Variants in TYRO3 observed in about 807,000 individuals in gnomAD.
TYRO3 encodes the protein tyrosine-protein kinase receptor TYRO3.
In TYRO3, 38 loss-of-function variants were observed where a neutral mutation model predicts 95.2. The ratio of observed to expected loss-of-function variants is 0.40; its 90% CI spans 0.31 to 0.52. TYRO3 has a LOEUF of 0.52. Ranked by LOEUF, TYRO3 falls within the 20% of genes least tolerant of loss-of-function variation. TYRO3 has a pLI of 0.56. For synonymous variants in TYRO3, 367 were observed against 432.9 expected, an observed-to-expected ratio of 0.85 and a Z score of 1.89; for missense variants, 812 against 1,116.4, an observed-to-expected ratio of 0.73 and a Z score of 3.89.
chr15:41,571,212 TC>T (rs1595503893), intron 13 of TYRO3, 94 bp downstream of exon 13: 5 of 1,249,546 alleles, frequency 4.0e-6, no homozygotes, highest in Middle Eastern at 2.0e-4. Flanking sequence ...CCCTAGATTT[TC>T]CAAGAAGAGC....
intron 8 of TYRO3, 105 bp downstream of exon 8, chr15:41,568,467 T>TCC (rs1318863674): frequency 3.4e-6 from 4 of 1,190,474 alleles, no homozygotes; most frequent in Non-Finnish European, 4.7e-6. Context: ...GGCCTGGGTC[T>TCC]CCCGCAGCCC....
chr15:41,577,991 A>G lies in TYRO3; in HGVS notation c.2388A>G (p.Leu796=), dbSNP rs375792223. ...ACATCTTGGGCCAGCTGTCTGTGCTATCTGCCAGCCAGGACCCCTTATACA... is the reference window on the plus strand; with the variant it reads ...ACATCTTGGGCCAGCTGTCTGTGCTGTCTGCCAGCCAGGACCCCTTATACA... The part of the protein sequence containing the change: ...LENILGQLSV[L]SASQDPLYIN... The change falls in exon 19 of 19, where the codon CTA becomes CTG. Residue 796 remains leucine, a synonymous_variant. Transcript: ENST00000263798. 1.5e-5 allele frequency: 25 copies of G among 1,613,882 alleles called. No homozygotes were observed. In the African/African-American group the frequency reaches 3.2e-4, roughly 21 times the overall value.
intron 15 of TYRO3, 90 bp from the exon 16 acceptor site, chr15:41,572,912 G>A: frequency 1.2e-6 from 1 of 847,308 alleles, no homozygotes; most frequent in Non-Finnish European, 1.8e-6. Flanking sequence ...TCTGGGGACA[G>A]CCTTCAGGCT....
At position 41,580,510 on chromosome 15, in the gene TYRO3, A is replaced by C. The variant is rs1181014537; in HGVS notation, c.*2234A>C. On this transcript the variant is annotated 3_prime_UTR_variant, in exon 19 of 19. Transcript: ENST00000263798. The stretch of plus-strand genomic sequence containing the variant: ...GAGACTCCATCTCAAAAATAAAATA[A>C]AAATAAAAATGCAAAAAATAATAAA... 1.3e-5 allele frequency: 2 copies of C among 152,134 alleles called. No homozygotes were observed. Among genetic ancestry groups the C allele is most frequent in the Non-Finnish European group, 2.9e-5 (2 of 68,034 alleles). 9.4% of individuals were successfully genotyped at this position (152,134 alleles called of 1,614,324 possible).
Position 41,570,293 on chromosome 15 carries a change from C to G in TYRO3, c.1436C>G (p.Ala479Gly). 6.2e-7 allele frequency: 1 copy of G among 1,614,180 alleles called. No individual in the cohort carries two copies. The highest frequency in any genetic ancestry group is 1.1e-5 in the South Asian group (1 of 91,084). ...GGAGAGCCAGCCGTTCACTTCCGGG[C>G]AGCCCGGTCCTTCAATCGAGAAAGG... ...ARGEPAVHFR[A>G]ARSFNRERPE... The change falls in exon 11 of 19, where the codon GCA becomes GGA. Residue 479 changes from alanine (A) to glycine (G), a missense_variant. Transcript: ENST00000263798.
At chr15:41,567,774 A>AC (rs1231338629) in intron 7 of TYRO3, among the ~76,000 whole-genome samples, 3 of 152,098 alleles carry the variant, frequency 2.0e-5, no homozygotes, top group African/African-American at 7.2e-5. Context: ...GGTTAAGGAA[A>AC]CCCCCCCTAA....
At chr15:41,566,320 TAAAAAAAAAA>T (rs57924730) in intron 6 of TYRO3, among the ~76,000 whole-genome samples, 6 of 40,958 alleles carry the variant, frequency 1.5e-4, no homozygotes, top group South Asian at 1.4e-3. Context: ...CTGTCTCTAT[TAAAAAAAAAA>T]AAAAAAAAAA....
chr15:41,567,828 G>A (rs570561291), intron 7 of TYRO3, among the ~76,000 whole-genome samples: 2 of 152,174 alleles, frequency 1.3e-5, no homozygotes, highest in South Asian at 4.1e-4. Context: ...GGATCTGAAC[G>A]ATAAAGAAGA....
intron 18 of TYRO3, among the ~76,000 whole-genome samples, chr15:41,576,342 C>CTAATTTTGTATTTTTAGTAGAG (rs1443996525): frequency 6.6e-6 from 1 of 151,050 alleles, no homozygotes; most frequent in Admixed American, 6.6e-5. Flanking sequence ...TACAGGCATG[C>CTAATTTTGTATTTTTAGTAGAG]ACCACCCTGC....
chr15:41,568,860 G>A lies in TYRO3; in HGVS notation c.1108-18G>A. The A allele has an allele frequency of 6.3e-7, 1 of 1,579,510 alleles. No individual in the cohort carries two copies. The highest frequency in any genetic ancestry group is 8.6e-7 in the Non-Finnish European group (1 of 1,156,368). ...CTCCCCAGGCTCACTATGGGGTGGG[G>A]GCTTTTCCTGGCTGCAGGATGAGCT... On this transcript the variant is annotated intron_variant, in intron 8 of 18. Coordinates refer to ENST00000263798, the MANE Select transcript of TYRO3 (RefSeq NM_006293.4).
Position 41,578,951 on chromosome 15 carries a change from C to A in TYRO3, c.*675C>A. On this transcript the variant is annotated 3_prime_UTR_variant, in exon 19 of 19. Coordinates refer to ENST00000263798, the MANE Select transcript of TYRO3 (RefSeq NM_006293.4). ...GTGCCCCTCTTCCAAAGGCAGCGTG[C>A]CGAGCCAGCAAGAGGAAGGGGTGCT... 1 of 153,456 alleles carries A rather than the reference C, an allele frequency of 6.5e-6. No individual in the cohort carries two copies. Among genetic ancestry groups the A allele is most frequent in the Non-Finnish European group, 1.4e-5 (1 of 68,998 alleles). 9.5% of individuals were successfully genotyped at this position (153,456 alleles called of 1,614,324 possible). A position where few individuals can be genotyped will look rare whatever the true frequency, so the allele number is the denominator to read the frequency against.
In TYRO3 at chr15:41,572,550, G is replaced by A; in HGVS notation, c.1861G>A (p.Gly621Arg). Residue 621 changes from glycine (G) to arginine (R), a missense_variant, in exon 15 of 19, where the codon GGG becomes AGG. Coordinates refer to ENST00000263798, the MANE Select transcript of TYRO3 (RefSeq NM_006293.4). ...LHAFLLASRI[G>R]ENPFNLPLQT... The stretch of plus-strand genomic sequence containing the variant: ...TGCCTTCCTGCTCGCCTCCCGGATT[G>A]GGGAGAACCCCTTTGTGAGTACCTG... The A allele has an allele frequency of 6.2e-7, 1 of 1,614,172 alleles. No individual in the cohort carries two copies. Among genetic ancestry groups the A allele is most frequent in the Non-Finnish European group, 8.5e-7 (1 of 1,180,040 alleles).
rs2055808288 is a variant in TYRO3 at position 41,572,439 on chromosome 15, C to T, written c.1754-4C>T. 9.8e-7 allele frequency: 1 copy of T among 1,017,364 alleles called. No homozygotes were observed. The highest frequency in any genetic ancestry group is 2.3e-5 in the East Asian group (1 of 43,316). 63.0% of individuals were successfully genotyped at this position (1,017,364 alleles called of 1,614,324 possible). A position where few individuals can be genotyped will look rare whatever the true frequency, so the allele number is the denominator to read the frequency against. Reference sequence around the variant, plus strand: ...GCTCAGCTCCTGACTCTCCCTTGTCCCAGGGGTAAGCCTCCGGAGCAGGGC... The same window carrying T: ...GCTCAGCTCCTGACTCTCCCTTGTCTCAGGGGTAAGCCTCCGGAGCAGGGC... On this transcript the variant is annotated splice_polypyrimidine_tract_variant and splice_region_variant and intron_variant, in intron 14 of 18. Transcript: ENST00000263798.
chr15:41,571,785 C>A, intron 14 of TYRO3, 98 bp downstream of exon 14: 1 of 713,502 alleles, frequency 1.4e-6, no homozygotes, highest in South Asian at 1.8e-5. Flanking sequence ...TTGGACTCAT[C>A]TGGTAAATAA....
intron 3 of TYRO3, 103 bp downstream of exon 3, chr15:41,561,742 A>T: frequency 3.5e-6 from 3 of 857,530 alleles, no homozygotes; most frequent in Non-Finnish European, 5.4e-6. Flanking sequence ...GGGCTGCCCC[A>T]CTGCTCTGTG....
chr15:41,562,647 C>G lies in TYRO3; in HGVS notation c.509C>G (p.Thr170Ser). 1 of 1,614,148 alleles carries G rather than the reference C, an allele frequency of 6.2e-7. No individual in the cohort carries two copies. Among genetic ancestry groups the G allele is most frequent in the Non-Finnish European group, 8.5e-7 (1 of 1,180,042 alleles). Residue 170 changes from threonine to serine, a missense_variant, in exon 4 of 19, where the codon ACC becomes AGC. By Grantham distance (58) the Thr-to-Ser change is moderately conservative (BLOSUM62 1). Transcript: ENST00000263798. ...CEAVGPPEPV[T>S]IVWWRGTTKI... ...GCTGTGGGTCCCCCTGAACCTGTTACCATTGTCTGGTGGAGAGGAACTACG... is the reference window on the plus strand; with the variant it reads ...GCTGTGGGTCCCCCTGAACCTGTTAGCATTGTCTGGTGGAGAGGAACTACG...
intron 5 of TYRO3, 27 bp from the exon 6 acceptor site, chr15:41,564,999 G>T: frequency 4.2e-6 from 6 of 1,434,706 alleles, no homozygotes; most frequent in Non-Finnish European, 4.9e-6. Context: ...TCCCTACTGG[G>T]CACTGATTCT....
intron 14 of TYRO3, 143 bp from the exon 15 acceptor site, chr15:41,572,300 A>T: frequency 6.6e-6 from 8 of 1,204,850 alleles, no homozygotes; most frequent in Non-Finnish European, 9.2e-6. Flanking sequence ...TAGTCCCCAG[A>T]CCAGTGTGGA....
chr15:41,565,130 T>C lies in TYRO3; in HGVS notation c.772T>C (p.Cys258Arg). The change falls in exon 6 of 19, where the codon TGT (cysteine) becomes CGT (arginine). Residue 258 changes from cysteine to arginine, a missense_variant. By Grantham distance (180) the Cys-to-Arg change is radical (BLOSUM62 -3). Transcript: ENST00000263798. ...TGATGGCCGAGCTCTGCTACAGTCC[T>C]GTACAGTTCAGGTAGGCTCTCCGGG... Reference protein sequence around the residue: ...GADGRALLQSCTVQVTQAPGG... With the variant: ...GADGRALLQSRTVQVTQAPGG... The C allele has an allele frequency of 6.2e-7, 1 of 1,611,404 alleles. No homozygotes were observed. Among genetic ancestry groups the C allele is most frequent in the South Asian group, 1.1e-5 (1 of 91,024 alleles).
Sources: allele counts gnomAD v4.1 joint callset (sites outside exome capture counted in the v4.1 genomes callset), GRCh38; gene constraint gnomAD v4.1.1; transcripts MANE v1.5; gene names NCBI Gene and HGNC (gene_info 2026-07-23, HGNC 2026-07-21).